Variants in TANGO6 observed in about 807,000 individuals in gnomAD.
TANGO6 encodes the protein transport and Golgi organization protein 6 homolog.
Under a neutral mutation model 114.2 loss-of-function variants are expected in TANGO6, and 90 were observed. The observed-to-expected ratio is 0.79, with a 90% CI of 0.66 to 0.94. TANGO6 has a LOEUF of 0.94. TANGO6 is among the 40% of genes least tolerant of loss of function. The pLI is 0.00. For synonymous variants in TANGO6, 477 were observed against 509.8 expected, an observed-to-expected ratio of 0.94 and a Z score of 0.87; for missense variants, 1,274 against 1,315.3, an observed-to-expected ratio of 0.97 and a Z score of 0.49.
intron 11 of TANGO6, among the ~76,000 whole-genome samples, chr16:68,917,181 G>C (rs1237256235): frequency 1.3e-5 from 2 of 152,040 alleles, no homozygotes; most frequent in Admixed American, 6.6e-5. Flanking sequence ...TTTCAGCTTG[G>C]CTTCTTTCCC....
intron 7 of TANGO6, among the ~76,000 whole-genome samples, chr16:68,887,718 A>T (rs781775667): frequency 8.5e-5 from 13 of 152,068 alleles, no homozygotes; most frequent in African/African-American, 3.1e-4. Context: ...TTCTACTAAA[A>T]ATACAAAAAA....
intron 15 of TANGO6, among the ~76,000 whole-genome samples, chr16:68,977,318 T>G (rs554803295): frequency 1.3e-3 from 196 of 151,990 alleles, no homozygotes; most frequent in Non-Finnish European, 2.4e-3. Context: ...TTTTGTTTTT[T>G]TTTTTCTTTT....
chr16:69,068,246 A>C (rs1189358924), intron 17 of TANGO6, among the ~76,000 whole-genome samples: 1 of 152,130 alleles, frequency 6.6e-6, no homozygotes, highest in Non-Finnish European at 1.5e-5. Context: ...GCATGCAGTG[A>C]GCTATGATCG....
chr16:68,922,939 G>GGT (rs1555523768), intron 12 of TANGO6, among the ~76,000 whole-genome samples: 76 of 79,048 alleles, frequency 9.6e-4, no homozygotes, highest in African/African-American at 3.7e-3. Context: ...CTTAGGTCAT[G>GGT]TTTTTTTTTT....
chr16:68,897,776 C>T (rs935190364), intron 7 of TANGO6, among the ~76,000 whole-genome samples: 66 of 152,110 alleles, frequency 4.3e-4, no homozygotes, highest in African/African-American at 1.4e-3. Flanking sequence ...TGGGGTTTCA[C>T]CATGTTGGTC....
At chr16:68,904,353 GTTTATCCAT>G (rs1962822333) in intron 9 of TANGO6, among the ~76,000 whole-genome samples, 1 of 152,138 alleles carries the variant, frequency 6.6e-6, no homozygotes, top group Admixed American at 6.5e-5. Flanking sequence ...TAGAAGGGAC[GTTTATCCAT>G]TTTGGCTTTT....
At chr16:69,008,980 T>C (rs1374060576) in intron 15 of TANGO6, among the ~76,000 whole-genome samples, 2 of 152,044 alleles carry the variant, frequency 1.3e-5, no homozygotes, top group Admixed American at 6.6e-5. Context: ...GGGGTTTTCA[T>C]GTGGCTATCA....
rs145580705 is a variant in TANGO6 at position 69,083,378 on chromosome 16, T to C, written c.3109-107T>C. 167 of 1,351,798 alleles carry C rather than the reference T, an allele frequency of 1.2e-4. 1 individual carries two copies. In the East Asian group the frequency reaches 4.2e-3, roughly 34 times the overall value. 83.7% of individuals were successfully genotyped at this position (1,351,798 alleles called of 1,614,324 possible). On this transcript the variant is annotated intron_variant, in intron 17 of 17. Coordinates refer to ENST00000261778, the MANE Select transcript of TANGO6 (RefSeq NM_024562.2). Reference sequence around the variant, plus strand: ...CCAGCCACATTATCTTCAGGAAGTCTGTGGATGTCCTCACAGATCTCCTCA... The same window carrying C: ...CCAGCCACATTATCTTCAGGAAGTCCGTGGATGTCCTCACAGATCTCCTCA...
At chr16:68,967,559 C>G (rs1963658518) in intron 14 of TANGO6, among the ~76,000 whole-genome samples, 1 of 152,176 alleles carries the variant, frequency 6.6e-6, no homozygotes, top group Non-Finnish European at 1.5e-5. Context: ...CTCAAACTAC[C>G]ACAGCCCTAG....
chr16:68,954,072 T>G (rs1480268636), intron 14 of TANGO6, among the ~76,000 whole-genome samples: 1 of 151,442 alleles, frequency 6.6e-6, no homozygotes, highest in East Asian at 1.9e-4. Flanking sequence ...AAACCTCGTC[T>G]CTACTAAAAA....
At chr16:68,972,131 G>A (rs937477729) in intron 14 of TANGO6, among the ~76,000 whole-genome samples, 1 of 151,800 alleles carries the variant, frequency 6.6e-6, no homozygotes, top group Non-Finnish European at 1.5e-5. Context: ...TAGGACTGAA[G>A]TCCTAAGATG....
At chr16:68,849,557 G>A (rs1386105487) in intron 1 of TANGO6, among the ~76,000 whole-genome samples, 1 of 151,998 alleles carries the variant, frequency 6.6e-6, no homozygotes, top group East Asian at 1.9e-4. Context: ...ATGCTTTGGA[G>A]GCTAAGATAG....
chr16:68,915,090 C>T (rs1256688248), intron 11 of TANGO6, among the ~76,000 whole-genome samples: 1 of 147,934 alleles, frequency 6.8e-6, no homozygotes, highest in African/African-American at 2.5e-5. Flanking sequence ...AGGAGTATTG[C>T]TTGAACCCGG....
At chr16:68,862,120 C>T (rs771408250) in intron 2 of TANGO6, among the ~76,000 whole-genome samples, 4 of 152,014 alleles carry the variant, frequency 2.6e-5, no homozygotes, top group Non-Finnish European at 4.4e-5. Context: ...TCACTGCAAC[C>T]TCCGCCTCCT....
intron 16 of TANGO6, among the ~76,000 whole-genome samples, chr16:69,024,382 C>T (rs1959465355): frequency 6.6e-6 from 1 of 151,888 alleles, no homozygotes; most frequent in Non-Finnish European, 1.5e-5. Context: ...AAGCAGTTCT[C>T]CTCAGCCTCC....
intron 14 of TANGO6, among the ~76,000 whole-genome samples, chr16:68,957,753 C>G (rs556641076): frequency 6.6e-6 from 1 of 152,042 alleles, no homozygotes; most frequent in South Asian, 2.1e-4. Flanking sequence ...AGTAACCATA[C>G]TTATTATATT....
intron 17 of TANGO6, among the ~76,000 whole-genome samples, chr16:69,064,665 C>T (rs1960187893): frequency 6.6e-6 from 1 of 152,206 alleles, no homozygotes; most frequent in African/African-American, 2.4e-5. Flanking sequence ...GATTTGAATT[C>T]TAGCTATTTG....
At chr16:69,037,135 CAAAAAAA>C (rs1232986110) in intron 16 of TANGO6, among the ~76,000 whole-genome samples, 2 of 45,270 alleles carry the variant, frequency 4.4e-5, no homozygotes, top group African/African-American at 9.0e-5. Flanking sequence ...GAGTCCATCT[CAAAAAAA>C]AAAAAAAAAA....
At chr16:68,918,841 C>T (rs1031150551) in intron 11 of TANGO6, among the ~76,000 whole-genome samples, 11 of 152,126 alleles carry the variant, frequency 7.2e-5, no homozygotes, top group Admixed American at 6.5e-4. Context: ...TACACCCCCA[C>T]CCGCTTGTCC....
Sources: gnomAD v4.1 joint callset for allele counts (sites outside exome capture counted in the v4.1 genomes callset) on GRCh38, gnomAD v4.1.1 for gene constraint, MANE v1.5 for transcripts, NCBI Gene and HGNC (gene_info 2026-07-23, HGNC 2026-07-21) for gene names.